SLC12A2: variants seen among roughly 807,000 people sequenced by gnomAD.
SLC12A2 encodes solute carrier family 12 member 2.
SLC12A2 carries 67 observed loss-of-function variants against 136.3 expected under a neutral mutation model. That is an observed-to-expected ratio of 0.49 (90% CI 0.40 to 0.60). SLC12A2 has a LOEUF of 0.60. Among genes scored for constraint, SLC12A2 ranks in the 20% least tolerant of loss-of-function variants. SLC12A2 has a pLI of 0.00. For synonymous variants in SLC12A2, 619 were observed against 562.9 expected (o/e 1.10, Z -1.41); for missense variants, 1,322 against 1,534.7 (o/e 0.86, Z 2.32).
intron 4 of SLC12A2, among the ~76,000 whole-genome samples, chr5:128,124,317 A>C (rs1306952513): frequency 6.6e-6 from 1 of 152,160 alleles, no homozygotes; most frequent in East Asian, 1.9e-4. Flanking sequence ...ATTTGACACT[A>C]ATTTCCCAGA....
chr5:128,128,057 A>G (rs1374487313), intron 4 of SLC12A2, among the ~76,000 whole-genome samples: 1 of 152,156 alleles, frequency 6.6e-6, no homozygotes, highest in African/African-American at 2.4e-5. Context: ...AATCAGTTCA[A>G]AATACTTTCT....
At chr5:128,181,540 T>C (rs1763707700) in intron 23 of SLC12A2, among the ~76,000 whole-genome samples, 1 of 152,208 alleles carries the variant, frequency 6.6e-6, no homozygotes, top group Admixed American at 6.5e-5. Flanking sequence ...TTGTACACAT[T>C]ATGGGTCAAA....
At chr5:128,136,530 C>A (rs1047696932) in intron 7 of SLC12A2, among the ~76,000 whole-genome samples, 2 of 152,122 alleles carry the variant, frequency 1.3e-5, no homozygotes, top group African/African-American at 4.8e-5. Flanking sequence ...CAAATGGCTT[C>A]ATCCTTAACC....
At chr5:128,111,197 AAAT>A (rs1331554691) in intron 1 of SLC12A2, among the ~76,000 whole-genome samples, 2 of 152,196 alleles carry the variant, frequency 1.3e-5, no homozygotes, top group Non-Finnish European at 2.9e-5. Context: ...CTTTATTAAA[AAAT>A]ATATATACAC....
intron 15 of SLC12A2, among the ~76,000 whole-genome samples, chr5:128,157,346 C>T (rs1762897734): frequency 6.6e-6 from 1 of 152,170 alleles, no homozygotes; most frequent in Non-Finnish European, 1.5e-5. Context: ...ATGCCACTGT[C>T]TCACATTTGC....
At chr5:128,139,507 A>T (rs1762291743) in intron 9 of SLC12A2, among the ~76,000 whole-genome samples, 1 of 152,212 alleles carries the variant, frequency 6.6e-6, no homozygotes, top group African/African-American at 2.4e-5. Context: ...AAAGGACTTA[A>T]GTGGTCAACC....
At chr5:128,132,967 AT>A (rs918072831) in intron 5 of SLC12A2, among the ~76,000 whole-genome samples, 2 of 152,124 alleles carry the variant, frequency 1.3e-5, no homozygotes, top group Non-Finnish European at 2.9e-5. Context: ...TTTAAACTAC[AT>A]TTATTATATA....
intron 1 of SLC12A2, among the ~76,000 whole-genome samples, chr5:128,101,212 T>C (rs561028559): frequency 2.0e-5 from 3 of 152,218 alleles, no homozygotes; most frequent in Admixed American, 6.5e-5. Context: ...TTGGTAGCTT[T>C]AGGATGATAT....
intron 4 of SLC12A2, among the ~76,000 whole-genome samples, chr5:128,130,813 A>C (rs539646451): frequency 6.6e-6 from 1 of 152,356 alleles, no homozygotes; most frequent in East Asian, 1.9e-4. Context: ...TTTAAAAGAT[A>C]AAATGGGAAT....
chr5:128,125,430 T>C (rs187563720), intron 4 of SLC12A2, among the ~76,000 whole-genome samples: 1 of 152,330 alleles, frequency 6.6e-6, no homozygotes, highest in Admixed American at 6.5e-5. Flanking sequence ...CATCTTTTTA[T>C]GTGTTTACTG....
chr5:128,188,236 G>A lies in SLC12A2; in HGVS notation c.*1605G>A, dbSNP rs768828185. On this transcript the variant is annotated 3_prime_UTR_variant, in exon 27 of 27. Transcript: ENST00000262461. ...CTTCGCCTAAAATACTGTTAAGTGG[G>A]TTAATTGATACAAGTTTCTGTGGTG... 2 of 150,436 alleles carry A rather than the reference G, an allele frequency of 1.3e-5. No homozygotes were observed. The highest frequency in any genetic ancestry group is 3.0e-5 in the Non-Finnish European group (2 of 67,788). The allele number at this position is 150,436 out of a possible 1,614,324, so 9.3% of individuals were successfully genotyped here.
intron 1 of SLC12A2, 120 bp from the exon 2 acceptor site, chr5:128,112,694 C>A: frequency 1.6e-6 from 1 of 635,648 alleles, no homozygotes; most frequent in Non-Finnish European, 2.5e-6. Context: ...ACCCTTGATT[C>A]TTGGAAATCT....
chr5:128,134,979 T>G (rs1386142263), intron 6 of SLC12A2, among the ~76,000 whole-genome samples: 1 of 152,126 alleles, frequency 6.6e-6, no homozygotes, highest in Non-Finnish European at 1.5e-5. Context: ...TAAAGTCATA[T>G]TAGTGTAAAA....
chr5:128,167,443 A>C (rs1440476150), intron 17 of SLC12A2, among the ~76,000 whole-genome samples: 1 of 152,142 alleles, frequency 6.6e-6, no homozygotes, highest in Non-Finnish European at 1.5e-5. Flanking sequence ...ACTGTATTAT[A>C]ATTTTTAAAA....
intron 7 of SLC12A2, among the ~76,000 whole-genome samples, chr5:128,137,448 C>CA (rs1288109589): frequency 2.0e-5 from 3 of 152,160 alleles, no homozygotes; most frequent in African/African-American, 7.2e-5. Context: ...TCTGTAACCA[C>CA]ATTGAATTAG....
chr5:128,131,517 C>A (rs576755002), intron 5 of SLC12A2, among the ~76,000 whole-genome samples: 1 of 148,402 alleles, frequency 6.7e-6, no homozygotes, highest in African/African-American at 2.6e-5. Flanking sequence ...CATGGTGAAA[C>A]CCCATCTCTA....
At chr5:128,177,070 T>A (rs1452504049) in intron 20 of SLC12A2, 35 bp from the exon 21 acceptor site, 1 of 1,384,112 alleles carries the variant, frequency 7.2e-7, no homozygotes, top group African/African-American at 1.5e-5. Flanking sequence ...ATAAAGGCAA[T>A]TAACATATTT....
intron 26 of SLC12A2, 130 bp downstream of exon 26, chr5:128,184,986 T>G: frequency 1.3e-6 from 1 of 741,540 alleles, no homozygotes; most frequent in Admixed American, 2.6e-5. Flanking sequence ...AAAAACAAAC[T>G]TGTAAAAATA....
chr5:128,174,162 A>G (rs1237428332), intron 19 of SLC12A2, among the ~76,000 whole-genome samples: 2 of 152,194 alleles, frequency 1.3e-5, no homozygotes, highest in East Asian at 1.9e-4. Context: ...TTGTGTATCT[A>G]TATCCAAAAT....
Sources: allele counts gnomAD v4.1 joint callset (sites outside exome capture counted in the v4.1 genomes callset), GRCh38; gene constraint gnomAD v4.1.1; transcripts MANE v1.5; gene names NCBI Gene and HGNC (gene_info 2026-07-23, HGNC 2026-07-21).